The following SBNO2 variants were observed in gnomAD, a reference collection of about 807,000 sequenced individuals.
SBNO2 encodes the protein protein strawberry notch homolog 2.
In SBNO2, 89 loss-of-function variants were observed where a neutral mutation model predicts 146.3. The observed-to-expected ratio is 0.61, with a 90% CI of 0.51 to 0.73. The LOEUF (loss-of-function observed/expected upper bound fraction) is 0.73, where lower values mean the gene tolerates loss of function less well. Among genes scored for constraint, SBNO2 ranks in the 30% least tolerant of loss-of-function variants. SBNO2 has a pLI of 0.00. For synonymous variants in SBNO2, 1,147 were observed against 892.6 expected, an observed-to-expected ratio of 1.29 and a Z score of -5.08; for missense variants, 2,092 against 2,003.7, an observed-to-expected ratio of 1.04 and a Z score of -0.84.
rs1014559584 is a variant in SBNO2, at chr19:1,126,524, G to A, written c.441+1080C>T. On this transcript the variant is annotated intron_variant, in intron 5 of 31. Transcript: ENST00000361757. The surrounding 1 kb of genome is among the most constrained non-coding windows in gnomAD (Gnocchi z 4.4). ...GTGCCAGAGGGACCAAGCCTGAGCC[G>A]CCCACCATGGCTGCGGGGTGCCCTG... 6.6e-6 allele frequency among the ~76,000 whole-genome samples: 1 copy of A among 152,030 alleles called. No homozygotes were observed. The highest frequency in any genetic ancestry group is 1.9e-4 in the East Asian group (1 of 5,176).
chr19:1,165,238 C>T (rs931251462), intron 1 of SBNO2, among the ~76,000 whole-genome samples: 3 of 152,144 alleles, frequency 2.0e-5, no homozygotes, highest in Non-Finnish European at 4.4e-5. Context: ...GACCCCACAG[C>T]CCCACCAGGC....
rs2080173935 is a variant in SBNO2, at chr19:1,144,900, AGGCG to A, written c.279+2405_279+2408del. On this transcript the variant is annotated intron_variant, in intron 4 of 31. Transcript: ENST00000361757. The surrounding 1 kb of genome is among the most constrained non-coding windows in gnomAD (Gnocchi z 4.1). ...GACAGAGAGGGAGACAGAGAGACAG[AGGCG>A]GAGATGGAGACAGAGACAGAGAGAC... Among the ~76,000 whole-genome samples, 2 of 118,784 alleles carry A rather than the reference AGGCG, an allele frequency of 1.7e-5. No homozygotes were observed. Among genetic ancestry groups the A allele is most frequent in the African/African-American group, 9.5e-5 (2 of 21,058 alleles). 77.9% of individuals were successfully genotyped at this position (118,784 alleles called of 152,430 possible).
chr19:1,117,002 G>A, intron 15 of SBNO2, 76 bp from the exon 16 acceptor site: 1 of 1,366,752 alleles, frequency 7.3e-7, no homozygotes, highest in Non-Finnish European at 1.0e-6. Context: ...GCCAGGCCTG[G>A]GGTGATGGCC....
In SBNO2 at chr19:1,140,602, G is replaced by A. The variant is rs1039910663; in HGVS notation, c.279+6707C>T. Reference sequence around the variant, plus strand: ...TCCTGGCGCAGCGTGAGCCCCAGGGGTGGGGGTGGGGGTGGCCAGGGAGCA... The same window carrying A: ...TCCTGGCGCAGCGTGAGCCCCAGGGATGGGGGTGGGGGTGGCCAGGGAGCA... On this transcript the variant is annotated intron_variant, in intron 4 of 31. Coordinates refer to ENST00000361757, the MANE Select transcript of SBNO2 (RefSeq NM_014963.3). This position sits in a 1 kb window ranked among gnomAD's most constrained non-coding sequence, Gnocchi z 4.4. Among the ~76,000 whole-genome samples the A allele has an allele frequency of 6.6e-6, 1 of 152,166 alleles. No homozygotes were observed. Among genetic ancestry groups the A allele is most frequent in the Non-Finnish European group, 1.5e-5 (1 of 68,014 alleles).
At chr19:1,152,564 C>T (rs943195499) in intron 2 of SBNO2, among the ~76,000 whole-genome samples, 3 of 152,064 alleles carry the variant, frequency 2.0e-5, no homozygotes, top group Non-Finnish European at 4.4e-5. Flanking sequence ...GAGGATCCAG[C>T]CTCAACCCCA....
At chr19:1,135,871 G>A (rs550215368) in intron 4 of SBNO2, among the ~76,000 whole-genome samples, 2 of 152,264 alleles carry the variant, frequency 1.3e-5, no homozygotes, top group South Asian at 4.1e-4. Flanking sequence ...TTGGTGGCTG[G>A]GAGAAGGGCC....
At chr19:1,134,118 G>A (rs375676830) in intron 4 of SBNO2, among the ~76,000 whole-genome samples, 1 of 146,488 alleles carries the variant, frequency 6.8e-6, no homozygotes, top group East Asian at 2.0e-4. Flanking sequence ...GCTCATGGGT[G>A]GACCCACAGC....
At chr19:1,124,198 T>C in intron 5 of SBNO2, 176 bp from the exon 6 acceptor site, 1 of 648,910 alleles carries the variant, frequency 1.5e-6, no homozygotes, top group Non-Finnish European at 2.7e-6. Flanking sequence ...CCCTGGTGCC[T>C]CCCAAGCCTC....
rs2079774486 is a variant in SBNO2, at chr19:1,112,369, G to A, written c.2515+33C>T. On this transcript the variant is annotated intron_variant, in intron 21 of 31. Transcript: ENST00000361757. This position sits in a 1 kb window ranked among gnomAD's most constrained non-coding sequence, Gnocchi z 5.9. ...GGGCCGAGACCATGTTGGGGGCGGGGCCAGGCAGCGCTGGGGGCGGGGCCG... is the reference window on the plus strand; with the variant it reads ...GGGCCGAGACCATGTTGGGGGCGGGACCAGGCAGCGCTGGGGGCGGGGCCG... The A allele has an allele frequency of 6.3e-7, 1 of 1,576,366 alleles. No individual in the cohort carries two copies. Among genetic ancestry groups the A allele is most frequent in the Non-Finnish European group, 8.6e-7 (1 of 1,164,608 alleles).
In SBNO2 at chr19:1,111,045, C is replaced by T. The variant is rs759411667; in HGVS notation, c.2858G>A (p.Arg953Gln). 1.4e-5 allele frequency: 22 copies of T among 1,570,130 alleles called. No individual in the cohort carries two copies. The highest frequency in any genetic ancestry group is 9.3e-5 in the South Asian group (8 of 86,170). ...CTTCTCCACGTCCAGGCAGCCATTC[C>T]GGGACTCCCGGCCACCAATGCCCAC... ...LSVGIGGRES[R>Q]NGCLDVEKDC... Residue 953 changes from arginine (R) to glutamine (Q), a missense_variant, in exon 25 of 32, where the codon CGG becomes CAG. Arg to Gln is a conservative substitution (Grantham distance 43). Transcript: ENST00000361757.
At position 1,147,435 on chromosome 19, in the gene SBNO2, G is replaced by GT; in HGVS notation, c.168-16_168-15insA. 5 of 1,277,378 alleles carry GT rather than the reference G, an allele frequency of 3.9e-6. No homozygotes were observed. The highest frequency in any genetic ancestry group is 5.3e-6 in the Non-Finnish European group (5 of 935,188). 79.1% of individuals were successfully genotyped at this position (1,277,378 alleles called of 1,614,324 possible). A position where few individuals can be genotyped will look rare whatever the true frequency, so the allele number is the denominator to read the frequency against. ...TCATGAACGGGCTGGAGGGAGATGGGGGGGGGGGAGGTGAGATGGGGTGCT... is the reference window on the plus strand; with the variant it reads ...TCATGAACGGGCTGGAGGGAGATGGGTGGGGGGGGAGGTGAGATGGGGTGCT... On this transcript the variant is annotated splice_polypyrimidine_tract_variant and intron_variant, in intron 3 of 31. Coordinates refer to ENST00000361757, the MANE Select transcript of SBNO2 (RefSeq NM_014963.3).
At chr19:1,125,533 G>A (rs994708766) in intron 5 of SBNO2, among the ~76,000 whole-genome samples, 34 of 152,042 alleles carry the variant, frequency 2.2e-4, no homozygotes, top group African/African-American at 7.7e-4. Context: ...AGCCAGGCAC[G>A]ATGGTACATG....
At chr19:1,171,565 G>A (rs1326766329) in intron 1 of SBNO2, among the ~76,000 whole-genome samples, 6 of 152,282 alleles carry the variant, frequency 3.9e-5, no homozygotes, top group African/African-American at 9.6e-5. Flanking sequence ...CCTGGGAGGG[G>A]GCCTCTGGGA....
Position 1,110,642 on chromosome 19 carries a change from T to C in SBNO2, c.3028+103A>G. The C allele has an allele frequency of 7.4e-7, 1 of 1,345,276 alleles. No homozygotes were observed. Among genetic ancestry groups the C allele is most frequent in the Non-Finnish European group, 9.9e-7 (1 of 1,010,258 alleles). The allele number at this position is 1,345,276 out of a possible 1,614,324, so 83.3% of individuals were successfully genotyped here. On this transcript the variant is annotated intron_variant, in intron 26 of 31. Coordinates refer to ENST00000361757, the MANE Select transcript of SBNO2 (RefSeq NM_014963.3). The surrounding 1 kb of genome is among the most constrained non-coding windows in gnomAD (Gnocchi z 4.9). ...CCACGAGCCCCTCGCCCACCCGGGA[T>C]GCCCGGTGTTCCCACGAGCCCCGAG...
At chr19:1,122,442 C>T (rs1228250357) in intron 10 of SBNO2, 26 bp downstream of exon 10, 19 of 1,557,444 alleles carry the variant, frequency 1.2e-5, no homozygotes, top group South Asian at 2.4e-5. Flanking sequence ...CACCTTGCCC[C>T]CTACTTTGCC....
Position 1,123,976 on chromosome 19 carries a change from G to A in SBNO2, c.488C>T (p.Pro163Leu), listed in dbSNP as rs754674599. ...GACGAGAAGCGGGGTGCTGTGGGAGGGCAGAAAGTCCTCGAAGCCTGCAAA... is the reference window on the plus strand; with the variant it reads ...GACGAGAAGCGGGGTGCTGTGGGAGAGCAGAAAGTCCTCGAAGCCTGCAAA... ...RPFAGFEDFL[P>L]SHSTPLLVSY... The change falls in exon 6 of 32, where the codon CCC becomes CTC. Residue 163 changes from proline (P) to leucine (L), a missense_variant. By Grantham distance (98) the Pro-to-Leu change is moderately conservative. Coordinates refer to ENST00000361757, the MANE Select transcript of SBNO2 (RefSeq NM_014963.3). The A allele has an allele frequency of 6.2e-7, 1 of 1,612,102 alleles. No homozygotes were observed. The highest frequency in any genetic ancestry group is 8.5e-7 in the Non-Finnish European group (1 of 1,179,440).
intron 4 of SBNO2, chr19:1,132,187 G>C: frequency 2.1e-6 from 3 of 1,400,330 alleles, no homozygotes; most frequent in Non-Finnish European, 2.8e-6. Context: ...GCCCGGGAGC[G>C]GCTCCCTCAT....
rs2079747312 is a variant in SBNO2 at position 1,110,737 on chromosome 19, G to C, written c.3028+8C>G. ...CCACCCACACCACACCCCGGCACCT[G>C]TGCTCACCCAGGATGCCCATGTCGT... On this transcript the variant is annotated splice_region_variant and intron_variant, in intron 26 of 31. Transcript: ENST00000361757. This position sits in a 1 kb window ranked among gnomAD's most constrained non-coding sequence, Gnocchi z 4.9. 1.2e-6 allele frequency: 2 copies of C among 1,612,710 alleles called. No individual in the cohort carries two copies. The highest frequency in any genetic ancestry group is 1.3e-5 in the African/African-American group (1 of 74,598).
At chr19:1,129,957 G>A (rs1416274583) in intron 4 of SBNO2, among the ~76,000 whole-genome samples, 3 of 152,064 alleles carry the variant, frequency 2.0e-5, no homozygotes, top group South Asian at 2.1e-4. Context: ...GGGTCCTCCC[G>A]CCCAGGGTCC....
Sources: allele counts gnomAD v4.1 joint callset (sites outside exome capture counted in the v4.1 genomes callset), GRCh38; gene constraint gnomAD v4.1.1; non-coding constraint Gnocchi (gnomAD v3.1); transcripts MANE v1.5; gene names NCBI Gene and HGNC (gene_info 2026-07-23, HGNC 2026-07-21).